WWC2: variants seen among roughly 807,000 people sequenced by gnomAD.
WWC2 encodes protein WWC2.
Under a neutral mutation model 138.5 loss-of-function variants are expected in WWC2, and 101 were observed. The ratio of observed to expected loss-of-function variants is 0.73; its 90% CI spans 0.62 to 0.86. The LOEUF (loss-of-function observed/expected upper bound fraction) is 0.86. WWC2 is among the 40% of genes least tolerant of loss of function. The probability of loss-of-function intolerance (pLI) is 0.00; values close to 1 mark genes in which losing one functional copy is unlikely to be tolerated. For missense variants in WWC2, 1,420 were observed against 1,419.4 expected, an observed-to-expected ratio of 1.00 and a Z score of -0.01; for synonymous variants, 558 against 538.4, an observed-to-expected ratio of 1.04 and a Z score of -0.50.
intron 4 of WWC2, among the ~76,000 whole-genome samples, chr4:183,209,681 C>G (rs1178778352): frequency 1.3e-5 from 2 of 152,082 alleles, no homozygotes; most frequent in African/African-American, 4.8e-5. Flanking sequence ...TTCAAGATGC[C>G]CACAACTTAA....
chr4:183,172,556 G>GTTTTTTTTTTTTTTTT (rs61599876), intron 1 of WWC2, among the ~76,000 whole-genome samples: 18 of 113,038 alleles, frequency 1.6e-4, no homozygotes, highest in Non-Finnish European at 2.2e-4. Flanking sequence ...TATGTTTCTT[G>GTTTTTTTTTTTTTTTT]TTTTTTTTTT....
chr4:183,179,321 G>T (rs1284101762), intron 1 of WWC2, among the ~76,000 whole-genome samples: 2 of 151,940 alleles, frequency 1.3e-5, no homozygotes, highest in Admixed American at 1.3e-4. Flanking sequence ...TTACAAGGAG[G>T]GTATATCCAT....
rs906909097 is a variant in WWC2 at position 183,190,906 on chromosome 4, C to T, written c.132-2693C>T. Among the ~76,000 whole-genome samples, 5 of 152,306 alleles carry T rather than the reference C, an allele frequency of 3.3e-5. 1 individual carries two copies. In the South Asian group the frequency reaches 6.2e-4, roughly 19 times the overall value. On this transcript the variant is annotated intron_variant, in intron 1 of 22. Transcript: ENST00000403733. ...AATAAATATATTCCTGTCATACTCA[C>T]GCTTAAGCACATTGAATTGGTGCCT...
chr4:183,220,757 C>A (rs1735908290), intron 4 of WWC2, among the ~76,000 whole-genome samples: 1 of 151,786 alleles, frequency 6.6e-6, no homozygotes, highest in African/African-American at 2.4e-5. Flanking sequence ...TGGCGTGAAC[C>A]CGGGAGGCGG....
intron 1 of WWC2, among the ~76,000 whole-genome samples, chr4:183,146,004 G>GACACA (rs1733444795): frequency 6.6e-6 from 1 of 152,208 alleles, no homozygotes; most frequent in South Asian, 2.1e-4. Context: ...TATGACACAT[G>GACACA]TAGAATAAAC....
intron 1 of WWC2, among the ~76,000 whole-genome samples, chr4:183,172,392 A>G (rs777895901): frequency 3.3e-5 from 5 of 152,176 alleles, no homozygotes; most frequent in African/African-American, 1.2e-4. Flanking sequence ...GAGGCTTTGC[A>G]TCTCCACAGA....
intron 1 of WWC2, among the ~76,000 whole-genome samples, chr4:183,122,316 G>A (rs1054340702): frequency 2.0e-5 from 3 of 152,048 alleles, no homozygotes; most frequent in African/African-American, 7.2e-5. Flanking sequence ...ACACAAATTA[G>A]TGCATCGATT....
chr4:183,267,394 T>C (rs767494606), intron 14 of WWC2, among the ~76,000 whole-genome samples: 2 of 152,200 alleles, frequency 1.3e-5, no homozygotes, highest in African/African-American at 2.4e-5. Flanking sequence ...TGGCTTGATA[T>C]AAACTGTGAC....
intron 14 of WWC2, among the ~76,000 whole-genome samples, chr4:183,268,687 A>G (rs79147135): frequency 6.6e-5 from 10 of 152,224 alleles, no homozygotes; most frequent in East Asian, 1.9e-4. Context: ...CGTCTGCCCT[A>G]CGGATTTTCT....
chr4:183,203,478 T>A (rs921033213), intron 2 of WWC2: 4 of 152,330 alleles, frequency 2.6e-5, no homozygotes, highest in South Asian at 4.1e-4. Context: ...TCCTTTTATA[T>A]GTTCCATAGT....
At chr4:183,219,451 A>T (rs554118701) in intron 4 of WWC2, among the ~76,000 whole-genome samples, 5 of 152,330 alleles carry the variant, frequency 3.3e-5, no homozygotes, top group African/African-American at 9.6e-5. Flanking sequence ...TACCACCTGG[A>T]AATTTGGATC....
chr4:183,228,254 G>C (rs937667264), intron 4 of WWC2, among the ~76,000 whole-genome samples: 2 of 152,106 alleles, frequency 1.3e-5, no homozygotes, highest in African/African-American at 4.8e-5. Context: ...CCATGAGTCT[G>C]TAATGTGTCC....
At chr4:183,171,694 C>G (rs1461667740) in intron 1 of WWC2, among the ~76,000 whole-genome samples, 1 of 152,184 alleles carries the variant, frequency 6.6e-6, no homozygotes, top group Non-Finnish European at 1.5e-5. Context: ...CTGTGACCCA[C>G]TACTCTCCCC....
intron 5 of WWC2, among the ~76,000 whole-genome samples, chr4:183,240,845 C>T (rs536578844): frequency 2.0e-5 from 3 of 152,286 alleles, no homozygotes; most frequent in East Asian, 1.9e-4. Context: ...TTGGCTGGGC[C>T]GTTAGCAGAG....
intron 1 of WWC2, among the ~76,000 whole-genome samples, chr4:183,103,911 G>A (rs754833504): frequency 7.9e-5 from 12 of 152,134 alleles, no homozygotes; most frequent in Admixed American, 3.3e-4. Flanking sequence ...TGGGATTACA[G>A]GCATGAGCCA....
intron 1 of WWC2, among the ~76,000 whole-genome samples, chr4:183,108,633 C>G (rs1732122878): frequency 6.6e-6 from 1 of 150,654 alleles, no homozygotes; most frequent in Admixed American, 6.6e-5. Flanking sequence ...TTTTTTGAGA[C>G]ACAGCCTCAC....
At chr4:183,279,289 C>T (rs375682067) in intron 16 of WWC2, among the ~76,000 whole-genome samples, 7,959 of 151,478 alleles carry the variant, frequency 0.053, 258 homozygotes, top group South Asian at 0.084. Context: ...TATTGATTTG[C>T]GTATATTGAA....
At chr4:183,235,764 T>A (rs1157134348) in intron 4 of WWC2, among the ~76,000 whole-genome samples, 4 of 152,234 alleles carry the variant, frequency 2.6e-5, no homozygotes, top group African/African-American at 9.6e-5. Flanking sequence ...TTCTATATCT[T>A]GGCTATTGTG....
chr4:183,140,125 T>C (rs1182732533), intron 1 of WWC2, among the ~76,000 whole-genome samples: 9 of 152,248 alleles, frequency 5.9e-5, no homozygotes, highest in African/African-American at 1.9e-4. Context: ...GAATTTGTTT[T>C]GTTTACTGCT....
Sources: allele counts gnomAD v4.1 joint callset (sites outside exome capture counted in the v4.1 genomes callset), GRCh38; gene constraint gnomAD v4.1.1; transcripts MANE v1.5; gene names NCBI Gene and HGNC (gene_info 2026-07-23, HGNC 2026-07-21).